Variants in PPM1H observed in about 807,000 individuals in gnomAD.
PPM1H encodes the protein protein phosphatase 1H.
A neutral mutation model predicts 54.9 loss-of-function variants in PPM1H; 27 were observed. The ratio of observed to expected loss-of-function variants is 0.49; its 90% CI spans 0.36 to 0.68. PPM1H has a LOEUF of 0.68. Among genes scored for constraint, PPM1H ranks in the 30% least tolerant of loss-of-function variants. PPM1H has a pLI of 0.00. For missense variants in PPM1H, 596 were observed against 667.8 expected, an observed-to-expected ratio of 0.89 and a Z score of 1.19; for synonymous variants, 305 against 270.8, an observed-to-expected ratio of 1.13 and a Z score of -1.24.
intron 1 of PPM1H, among the ~76,000 whole-genome samples, chr12:62,906,904 G>C (rs1483885874): frequency 6.6e-6 from 1 of 152,210 alleles, no homozygotes; most frequent in Non-Finnish European, 1.5e-5. Context: ...GAAATAAAAT[G>C]AATCTGAAAT....
chr12:62,844,734 G>A lies in PPM1H; in HGVS notation c.246-12455C>T, dbSNP rs55809624. ...ATCACATAGCACGGAGTAGGTACTC[G>A]ATAAATGTTAATTGAATGAATAAAC... is the stretch of plus-strand genomic sequence containing the variant. On this transcript the variant is annotated intron_variant, in intron 1 of 9. Coordinates refer to ENST00000228705, the MANE Select transcript of PPM1H (RefSeq NM_020700.2). The surrounding 1 kb of genome is among the most constrained non-coding windows in gnomAD (Gnocchi z 5.2). Among the ~76,000 whole-genome samples, 13,238 of 152,170 alleles carry A rather than the reference G, an allele frequency of 0.087. 782 individuals carry two copies. Among genetic ancestry groups the A allele is most frequent in the East Asian group, 0.29 (1,524 of 5,170 alleles).
chr12:62,870,424 G>A (rs1029046710), intron 1 of PPM1H, among the ~76,000 whole-genome samples: 3 of 152,166 alleles, frequency 2.0e-5, no homozygotes, highest in Non-Finnish European at 1.5e-5. Context: ...ACTGTAGGTA[G>A]GGAGATCAAT....
intron 4 of PPM1H, among the ~76,000 whole-genome samples, chr12:62,749,361 G>A (rs930899748): frequency 1.4e-4 from 22 of 152,184 alleles, no homozygotes; most frequent in African/African-American, 2.9e-4. Context: ...GAAACCATTC[G>A]GAAAACCCTT....
chr12:62,741,565 C>T (rs907203950), intron 4 of PPM1H, among the ~76,000 whole-genome samples: 2 of 152,192 alleles, frequency 1.3e-5, no homozygotes, highest in Non-Finnish European at 2.9e-5. Flanking sequence ...TCATGGTTAG[C>T]CCATTTCTCT....
intron 5 of PPM1H, among the ~76,000 whole-genome samples, chr12:62,730,295 A>G (rs1270667175): frequency 6.6e-6 from 1 of 152,142 alleles, no homozygotes; most frequent in Non-Finnish European, 1.5e-5. Context: ...CAGTGCTGCT[A>G]TGCACGCTCT....
intron 1 of PPM1H, among the ~76,000 whole-genome samples, chr12:62,897,117 G>A (rs1322825588): frequency 8.5e-6 from 1 of 118,174 alleles, no homozygotes; most frequent in Non-Finnish European, 1.7e-5. Flanking sequence ...GGGGGAGGGG[G>A]GAGGGATAAC....
rs377005263 is a variant in PPM1H, at chr12:62,789,872, G to A, written c.757-1534C>T. 3.9e-5 allele frequency among the ~76,000 whole-genome samples: 6 copies of A among 152,324 alleles called. No individual in the cohort carries two copies. The East Asian group carries it at 5.8e-4, about 15-fold the overall frequency. ...GATACCTGTGAAATTCTGTGTTAGC[G>A]ATAGAAGCAAAGGTTCTGTTACCTC... On this transcript the variant is annotated intron_variant, in intron 3 of 9. Transcript: ENST00000228705.
At chr12:62,812,831 A>G (rs1023457046) in intron 2 of PPM1H, among the ~76,000 whole-genome samples, 2 of 150,586 alleles carry the variant, frequency 1.3e-5, no homozygotes, top group Non-Finnish European at 1.5e-5. Flanking sequence ...GCCTTTCAAC[A>G]AATACAAGAT....
intron 8 of PPM1H, among the ~76,000 whole-genome samples, chr12:62,671,714 A>G (rs1470321576): frequency 1.3e-5 from 2 of 152,124 alleles, no homozygotes; most frequent in Non-Finnish European, 2.9e-5. Flanking sequence ...TCAATTTCCC[A>G]TGGGTCCCTT....
chr12:62,850,014 G>A (rs1048789178), intron 1 of PPM1H, among the ~76,000 whole-genome samples: 3 of 152,092 alleles, frequency 2.0e-5, no homozygotes, highest in Non-Finnish European at 2.9e-5. Flanking sequence ...AGGCTGGAGT[G>A]CAGTGGTGTG....
chr12:62,856,628 C>G (rs1237561635), intron 1 of PPM1H, among the ~76,000 whole-genome samples: 1 of 152,142 alleles, frequency 6.6e-6, no homozygotes, highest in Non-Finnish European at 1.5e-5. Context: ...GGTAATTGCC[C>G]TGATCTGATC....
chr12:62,830,356 C>T (rs531509466), intron 2 of PPM1H, among the ~76,000 whole-genome samples: 101 of 152,172 alleles, frequency 6.6e-4, no homozygotes, highest in South Asian at 3.9e-3. Context: ...CCTGGGTTCA[C>T]GCCATTCTTC....
chr12:62,802,221 CA>C (rs1306822654), intron 2 of PPM1H, 61 bp from the exon 3 acceptor site: 2 of 1,372,180 alleles, frequency 1.5e-6, no homozygotes, highest in African/African-American at 2.9e-5. Flanking sequence ...CAGGGTCATA[CA>C]GATTGTGGGA....
At chr12:62,772,394 C>T (rs1264433200) in intron 4 of PPM1H, among the ~76,000 whole-genome samples, 1 of 152,210 alleles carries the variant, frequency 6.6e-6, no homozygotes, top group Non-Finnish European at 1.5e-5. Context: ...AGCCATCCTT[C>T]ACATAGAGAG....
At chr12:62,650,734 G>C (rs181961154) in intron 9 of PPM1H, among the ~76,000 whole-genome samples, 130 of 152,196 alleles carry the variant, frequency 8.5e-4, no homozygotes, top group African/African-American at 3.0e-3. Context: ...GTGAGTGAAG[G>C]GGGGAAATGC....
chr12:62,645,871 C>T lies in PPM1H; in HGVS notation c.*2618G>A, dbSNP rs1383534315. On this transcript the variant is annotated 3_prime_UTR_variant, in exon 10 of 10. Transcript: ENST00000228705. ...TTCTGCAGAATTTCGAAGTGTGCGT[C>T]CTTTGACTTTTCCAGGGATGCACCA... The T allele has an allele frequency of 6.6e-6, 1 of 152,210 alleles. No homozygotes were observed. Among genetic ancestry groups the T allele is most frequent in the Non-Finnish European group, 1.5e-5 (1 of 68,044 alleles). 9.4% of individuals were successfully genotyped at this position (152,210 alleles called of 1,614,324 possible).
chr12:62,880,594 T>C (rs1870357682), intron 1 of PPM1H, among the ~76,000 whole-genome samples: 1 of 152,188 alleles, frequency 6.6e-6, no homozygotes, highest in African/African-American at 2.4e-5. Context: ...TCCATTCTCC[T>C]TGTGTCTTCC....
At chr12:62,761,687 A>C (rs975081889) in intron 4 of PPM1H, among the ~76,000 whole-genome samples, 4 of 152,310 alleles carry the variant, frequency 2.6e-5, no homozygotes, top group African/African-American at 9.6e-5. Context: ...GAATCTCTAT[A>C]AAAGGTAGCC....
intron 1 of PPM1H, among the ~76,000 whole-genome samples, chr12:62,877,694 C>A (rs1019449201): frequency 1.3e-5 from 2 of 152,166 alleles, no homozygotes; most frequent in Admixed American, 1.3e-4. Context: ...TTAAAGCATT[C>A]TGTTCCACCT....
Sources: allele counts gnomAD v4.1 joint callset (sites outside exome capture counted in the v4.1 genomes callset), GRCh38; gene constraint gnomAD v4.1.1; non-coding constraint Gnocchi (gnomAD v3.1); transcripts MANE v1.5; gene names NCBI Gene and HGNC (gene_info 2026-07-23, HGNC 2026-07-21).